PSMB7: variants seen among roughly 807,000 people sequenced by gnomAD.
The protein encoded by PSMB7 is proteasome 20S subunit beta 7.
PSMB7 carries 5 observed loss-of-function variants against 28.1 expected under a neutral mutation model. The observed-to-expected ratio is 0.18, with a 90% CI of 0.09 to 0.37. The LOEUF (loss-of-function observed/expected upper bound fraction) is 0.37. Among genes scored for constraint, PSMB7 ranks in the 10% least tolerant of loss-of-function variants. PSMB7 has a pLI of 1.00. For missense variants in PSMB7, 275 were observed against 346.2 expected (o/e 0.79, Z 1.63); for synonymous variants, 122 against 123.7 (o/e 0.99, Z 0.09).
At chr9:124,355,886 T>C (rs1208230513) in intron 7 of PSMB7, among the ~76,000 whole-genome samples, 1 of 152,134 alleles carries the variant, frequency 6.6e-6, no homozygotes, top group Non-Finnish European at 1.5e-5. Context: ...GTTCCATTCC[T>C]TCCTTGTGAA....
At chr9:124,396,264 C>T (rs1420315402) in intron 5 of PSMB7, among the ~76,000 whole-genome samples, 1 of 151,990 alleles carries the variant, frequency 6.6e-6, no homozygotes, top group South Asian at 2.1e-4. Flanking sequence ...AAAGGTTGTA[C>T]TTGAGTATAA....
At chr9:124,411,456 G>A (rs1256185111) in intron 4 of PSMB7, among the ~76,000 whole-genome samples, 1 of 152,124 alleles carries the variant, frequency 6.6e-6, no homozygotes, top group East Asian at 1.9e-4. Context: ...ACTAGGGGCA[G>A]GTATTATGAT....
chr9:124,401,774 A>C (rs1830910424), intron 5 of PSMB7, among the ~76,000 whole-genome samples: 1 of 152,296 alleles, frequency 6.6e-6, no homozygotes, highest in South Asian at 2.1e-4. Flanking sequence ...TAATCCTAGC[A>C]CTTTGGGAGG....
chr9:124,358,990 G>T (rs1830441590), intron 6 of PSMB7, among the ~76,000 whole-genome samples: 1 of 152,210 alleles, frequency 6.6e-6, no homozygotes. Flanking sequence ...CCATTCGACT[G>T]GGCACAGGAC....
At chr9:124,386,506 C>T (rs1032269649) in intron 5 of PSMB7, among the ~76,000 whole-genome samples, 94 of 152,158 alleles carry the variant, frequency 6.2e-4, no homozygotes, top group African/African-American at 2.2e-3. Flanking sequence ...CATGAACGAA[C>T]GAGGCAACTG....
chr9:124,387,438 C>T (rs1830736350), intron 5 of PSMB7, among the ~76,000 whole-genome samples: 4 of 152,028 alleles, frequency 2.6e-5, no homozygotes, highest in Admixed American at 2.6e-4. Context: ...GGGGCTTTTA[C>T]TACACTGTAT....
chr9:124,374,513 A>G (rs1441552310), intron 6 of PSMB7, among the ~76,000 whole-genome samples: 2 of 152,222 alleles, frequency 1.3e-5, no homozygotes, highest in Non-Finnish European at 2.9e-5. Context: ...ATAAACTCAC[A>G]CTTTAATATT....
At chr9:124,413,731 G>A (rs1423275960) in intron 3 of PSMB7, among the ~76,000 whole-genome samples, 177 bp downstream of exon 3, 2 of 152,224 alleles carry the variant, frequency 1.3e-5, no homozygotes, top group Non-Finnish European at 2.9e-5. Context: ...ATTGGAGACT[G>A]AAGCAAAGAG....
intron 5 of PSMB7, among the ~76,000 whole-genome samples, chr9:124,391,338 G>A (rs1054670471): frequency 4.6e-5 from 7 of 152,128 alleles, no homozygotes; most frequent in African/African-American, 1.2e-4. Flanking sequence ...ATTCCACCAC[G>A]TTTGCCTCTT....
chr9:124,379,470 C>T (rs1172102736), intron 6 of PSMB7, among the ~76,000 whole-genome samples: 2 of 152,174 alleles, frequency 1.3e-5, no homozygotes, highest in African/African-American at 4.8e-5. Context: ...AATTAGAAGA[C>T]CACTCAAGGT....
chr9:124,364,654 AAC>A (rs1830490906), intron 6 of PSMB7, among the ~76,000 whole-genome samples: 2 of 152,152 alleles, frequency 1.3e-5, no homozygotes, highest in African/African-American at 4.8e-5. Context: ...TCTCTGCAAA[AAC>A]AACGCGGCCC....
intron 2 of PSMB7, among the ~76,000 whole-genome samples, chr9:124,414,457 G>T (rs1408837011): frequency 6.6e-6 from 1 of 152,056 alleles, no homozygotes; most frequent in Non-Finnish European, 1.5e-5. Context: ...GCATCTGAAG[G>T]TGTCCCTGTG....
intron 2 of PSMB7, among the ~76,000 whole-genome samples, chr9:124,414,611 TA>T (rs11418169): frequency 1.3e-3 from 180 of 140,962 alleles, no homozygotes; most frequent in Admixed American, 1.4e-3. Context: ...CTGACCTGTT[TA>T]AAAAAAAAAA....
intron 5 of PSMB7, among the ~76,000 whole-genome samples, chr9:124,396,213 T>G (rs1830839911): frequency 6.6e-6 from 1 of 152,216 alleles, no homozygotes; most frequent in Non-Finnish European, 1.5e-5. Flanking sequence ...GCAGGACAAC[T>G]TTCAAAATCA....
chr9:124,411,388 A>T (rs1246425367), intron 4 of PSMB7, among the ~76,000 whole-genome samples: 2 of 152,256 alleles, frequency 1.3e-5, no homozygotes, highest in African/African-American at 2.4e-5. Flanking sequence ...CCTATGAGCC[A>T]CCAGTTTAAA....
At chr9:124,412,698 T>C (rs1831041341) in intron 3 of PSMB7, among the ~76,000 whole-genome samples, 1 of 152,214 alleles carries the variant, frequency 6.6e-6, no homozygotes, top group Non-Finnish European at 1.5e-5. Flanking sequence ...ACATTATCTA[T>C]GGCCCAATGG....
chr9:124,387,755 C>G (rs902687851), intron 5 of PSMB7, among the ~76,000 whole-genome samples: 1 of 152,084 alleles, frequency 6.6e-6, no homozygotes, highest in African/African-American at 2.4e-5. Flanking sequence ...TTTGTAGATA[C>G]CTCTGAATGT....
At chr9:124,380,668 T>C (rs539353292) in intron 6 of PSMB7, among the ~76,000 whole-genome samples, 73 of 152,328 alleles carry the variant, frequency 4.8e-4, no homozygotes, top group African/African-American at 1.6e-3. Flanking sequence ...ACATGGAGAA[T>C]GGAACTGCCT....
At chr9:124,382,508 G>A (rs935327632) in intron 6 of PSMB7, among the ~76,000 whole-genome samples, 1 of 152,006 alleles carries the variant, frequency 6.6e-6, no homozygotes, top group South Asian at 2.1e-4. Context: ...GCGCCCAGTC[G>A]AGACTCTGTC....
Sources: allele counts gnomAD v4.1 joint callset (sites outside exome capture counted in the v4.1 genomes callset), GRCh38; gene constraint gnomAD v4.1.1; transcripts MANE v1.5; gene names NCBI Gene and HGNC (gene_info 2026-07-23, HGNC 2026-07-21).